The following ZNF385D variants were observed in gnomAD, a reference collection of about 807,000 sequenced individuals.
ZNF385D encodes the protein zinc finger protein 385D, also known as zinc finger protein 659.
In ZNF385D, 15 loss-of-function variants were observed where a neutral mutation model predicts 35.8. The observed-to-expected ratio is 0.42, with a 90% CI of 0.28 to 0.64. The LOEUF is 0.64. Ranked by LOEUF, ZNF385D falls within the 30% of genes least tolerant of loss-of-function variation. The probability of loss-of-function intolerance (pLI) is 0.23; values close to 1 mark genes in which losing one functional copy is unlikely to be tolerated. For synonymous variants in ZNF385D, 212 were observed against 186.8 expected (o/e 1.13, Z -1.10); for missense variants, 474 against 494.6 (o/e 0.96, Z 0.39).
chr3:21,526,999 TTAA>T (rs1470338892), intron 3 of ZNF385D, among the ~76,000 whole-genome samples: 1 of 152,174 alleles, frequency 6.6e-6, no homozygotes, highest in Non-Finnish European at 1.5e-5. Context: ...TTTAATAGCA[TTAA>T]TAAGTTATCT....
chr3:21,517,709 G>T (rs1313867779), intron 3 of ZNF385D, among the ~76,000 whole-genome samples: 1 of 152,150 alleles, frequency 6.6e-6, no homozygotes, highest in Non-Finnish European at 1.5e-5. Flanking sequence ...ATGCACAGGT[G>T]CAGCCATATG....
intron 2 of ZNF385D, among the ~76,000 whole-genome samples, chr3:22,309,788 A>C (rs1327653513): frequency 6.6e-6 from 1 of 151,992 alleles, no homozygotes; most frequent in African/African-American, 2.4e-5. Context: ...AATCTACTAT[A>C]GTATAGCCTT....
In ZNF385D at chr3:21,412,846, A is replaced by G. The variant is rs1700511233; in HGVS notation, c.*8368T>C. 6.6e-6 allele frequency: 1 copy of G among 152,052 alleles called. No homozygotes were observed. The highest frequency in any genetic ancestry group is 6.6e-5 in the Admixed American group (1 of 15,262). The allele number at this position is 152,052 out of a possible 1,614,324, so 9.4% of individuals were successfully genotyped here. A position where few individuals can be genotyped will look rare whatever the true frequency, so the allele number is the denominator to read the frequency against. ...CAAGATAAACTGTGCTATATTTTAC[A>G]TTTCTGAGTCAATAATATTGGAAGC... is the stretch of plus-strand genomic sequence containing the variant. On this transcript the variant is annotated 3_prime_UTR_variant, in exon 8 of 8. Transcript: ENST00000281523.
intron 1 of ZNF385D, among the ~76,000 whole-genome samples, chr3:21,703,736 C>A (rs762722274): frequency 6.6e-6 from 1 of 151,776 alleles, no homozygotes; most frequent in Non-Finnish European, 1.5e-5. Flanking sequence ...GCTCATGAAG[C>A]TGGCCATTAT....
chr3:22,070,220 C>G (rs921710714), intron 3 of ZNF385D, among the ~76,000 whole-genome samples: 6 of 152,110 alleles, frequency 3.9e-5, no homozygotes, highest in African/African-American at 1.4e-4. Context: ...GCCCCATCCC[C>G]TTAAAGCACA....
intron 3 of ZNF385D, among the ~76,000 whole-genome samples, chr3:21,547,024 G>T (rs1047421539): frequency 6.6e-6 from 1 of 152,026 alleles, no homozygotes; most frequent in Non-Finnish European, 1.5e-5. Flanking sequence ...TTCTAAATGG[G>T]TAGCCATTCA....
At chr3:21,955,865 T>C (rs1702259622) in intron 3 of ZNF385D, among the ~76,000 whole-genome samples, 1 of 152,122 alleles carries the variant, frequency 6.6e-6, no homozygotes, top group Non-Finnish European at 1.5e-5. Context: ...GGGAATATTT[T>C]TGTGGTTTTT....
chr3:21,950,304 C>G (rs538012193), intron 3 of ZNF385D, among the ~76,000 whole-genome samples: 1 of 151,950 alleles, frequency 6.6e-6, no homozygotes, highest in South Asian at 2.1e-4. Context: ...TCTCTAATAA[C>G]CAGCTATGAT....
At chr3:21,895,419 T>C (rs997342180) in intron 3 of ZNF385D, among the ~76,000 whole-genome samples, 1 of 146,000 alleles carries the variant, frequency 6.8e-6, no homozygotes, top group Non-Finnish European at 1.5e-5. Flanking sequence ...CGTCTGCCTC[T>C]GGGTTCAAGT....
At chr3:21,669,262 A>G (rs2066490773) in intron 1 of ZNF385D, among the ~76,000 whole-genome samples, 3 of 152,334 alleles carry the variant, frequency 2.0e-5, no homozygotes, top group South Asian at 4.1e-4. Context: ...ATAGCAATCA[A>G]TACTGAATAA....
At chr3:21,868,338 C>T (rs1697496232) in intron 3 of ZNF385D, among the ~76,000 whole-genome samples, 1 of 151,998 alleles carries the variant, frequency 6.6e-6, no homozygotes, top group Admixed American at 6.6e-5. Flanking sequence ...TTTAAAGACC[C>T]CTGCTCATGA....
chr3:22,093,826 G>A (rs1304168706), intron 3 of ZNF385D, among the ~76,000 whole-genome samples: 1 of 151,992 alleles, frequency 6.6e-6, no homozygotes, highest in Admixed American at 6.6e-5. Flanking sequence ...AGCAAGTTTT[G>A]TACTAAGATT....
intron 3 of ZNF385D, among the ~76,000 whole-genome samples, chr3:22,142,134 A>G (rs1704543592): frequency 6.6e-6 from 1 of 152,186 alleles, no homozygotes; most frequent in African/African-American, 2.4e-5. Context: ...CACCTAACCC[A>G]GGATGAAATG....
chr3:21,724,477 C>CAAAAAAA (rs200803155), intron 1 of ZNF385D, among the ~76,000 whole-genome samples: 19 of 51,988 alleles, frequency 3.7e-4, no homozygotes, highest in African/African-American at 6.3e-4. Flanking sequence ...AATGGAAAGC[C>CAAAAAAA]AAAAAAAAAA....
intron 3 of ZNF385D, among the ~76,000 whole-genome samples, chr3:21,782,700 T>C (rs922131092): frequency 1.3e-5 from 2 of 152,128 alleles, no homozygotes; most frequent in South Asian, 2.1e-4. Flanking sequence ...ATTTGGAGAA[T>C]TAAATTGGAC....
At chr3:21,988,877 C>G (rs1203912061) in intron 3 of ZNF385D, among the ~76,000 whole-genome samples, 1 of 152,294 alleles carries the variant, frequency 6.6e-6, no homozygotes, top group South Asian at 2.1e-4. Flanking sequence ...CGTGGTGCGC[C>G]GTTTTTTAAG....
chr3:21,866,534 A>G (rs1029673040), intron 3 of ZNF385D, among the ~76,000 whole-genome samples: 1 of 152,144 alleles, frequency 6.6e-6, no homozygotes, highest in African/African-American at 2.4e-5. Flanking sequence ...GGTTTGCATC[A>G]TACTCAACTG....
chr3:22,210,396 A>C (rs1345668328), intron 2 of ZNF385D, among the ~76,000 whole-genome samples: 1 of 151,926 alleles, frequency 6.6e-6, no homozygotes, highest in African/African-American at 2.4e-5. Flanking sequence ...GTTGAGAATT[A>C]GGCAAGTATA....
chr3:22,198,038 A>T (rs920197050), intron 2 of ZNF385D, among the ~76,000 whole-genome samples: 3 of 152,068 alleles, frequency 2.0e-5, no homozygotes, highest in Non-Finnish European at 2.9e-5. Context: ...TTTTCAACAC[A>T]TATGTATTCA....
Sources: allele counts gnomAD v4.1 joint callset (sites outside exome capture counted in the v4.1 genomes callset), GRCh38; gene constraint gnomAD v4.1.1; transcripts MANE v1.5; gene names NCBI Gene and HGNC (gene_info 2026-07-23, HGNC 2026-07-21).